The following EXOC4 variants were observed in gnomAD, a reference collection of about 807,000 sequenced individuals.
EXOC4 encodes the protein exocyst complex component 4.
Under a neutral mutation model 107.2 loss-of-function variants are expected in EXOC4, and 71 were observed. The observed-to-expected ratio is 0.66, with a 90% CI of 0.55 to 0.81. The LOEUF (loss-of-function observed/expected upper bound fraction) is 0.81. Among genes scored for constraint, EXOC4 ranks in the 30% least tolerant of loss-of-function variants. The pLI is 0.00. For synonymous variants in EXOC4, 456 were observed against 441.2 expected, an observed-to-expected ratio of 1.03 and a Z score of -0.42; for missense variants, 1,108 against 1,189.6, an observed-to-expected ratio of 0.93 and a Z score of 1.01.
chr7:133,384,964 T>G (rs1796696625), intron 7 of EXOC4, among the ~76,000 whole-genome samples: 5 of 152,124 alleles, frequency 3.3e-5, no homozygotes, highest in Admixed American at 3.3e-4. Context: ...GAACATTCAC[T>G]TGGCCACGCA....
intron 6 of EXOC4, among the ~76,000 whole-genome samples, chr7:133,359,628 C>T (rs1047731602): frequency 1.3e-5 from 2 of 152,124 alleles, no homozygotes; most frequent in African/African-American, 4.8e-5. Context: ...GATACCCATA[C>T]TGTAATTTTC....
intron 2 of EXOC4, among the ~76,000 whole-genome samples, 163 bp from the exon 3 acceptor site, chr7:133,288,759 C>T (rs1172776875): frequency 1.3e-5 from 2 of 152,016 alleles, no homozygotes; most frequent in Non-Finnish European, 2.9e-5. Flanking sequence ...GAGTCTATGT[C>T]AGAACCAGGA....
chr7:133,722,335 A>T (rs141549831), intron 10 of EXOC4, among the ~76,000 whole-genome samples: 200 of 152,322 alleles, frequency 1.3e-3, no homozygotes, highest in African/African-American at 4.7e-3. Flanking sequence ...ACCTGAGTTC[A>T]TTACATTCTT....
chr7:133,999,684 G>A (rs1301472614), intron 15 of EXOC4, among the ~76,000 whole-genome samples: 4 of 152,132 alleles, frequency 2.6e-5, no homozygotes, highest in African/African-American at 9.7e-5. Flanking sequence ...AGGAAAACAA[G>A]GGAATACCAA....
intron 14 of EXOC4, among the ~76,000 whole-genome samples, chr7:133,970,057 C>T (rs1240065024): frequency 6.6e-6 from 1 of 152,182 alleles, no homozygotes; most frequent in African/African-American, 2.4e-5. Context: ...GAGGAGGAAT[C>T]TAGAGAGGCA....
chr7:133,295,269 A>G (rs1243600306), intron 3 of EXOC4, among the ~76,000 whole-genome samples: 1 of 151,998 alleles, frequency 6.6e-6, no homozygotes, highest in Admixed American at 6.6e-5. Flanking sequence ...AGGTAAAGGA[A>G]CTCTTGTGGG....
intron 11 of EXOC4, among the ~76,000 whole-genome samples, chr7:133,836,330 A>G (rs1018186887): frequency 1.3e-5 from 2 of 152,016 alleles, no homozygotes; most frequent in African/African-American, 4.8e-5. Flanking sequence ...GTCAAGTTCA[A>G]CACATTAAGT....
At chr7:133,664,244 T>C (rs1274931203) in intron 10 of EXOC4, among the ~76,000 whole-genome samples, 1 of 152,182 alleles carries the variant, frequency 6.6e-6, no homozygotes, top group Non-Finnish European at 1.5e-5. Context: ...TTATCTGTTA[T>C]CTGGAAATAG....
At chr7:133,488,213 C>T (rs1467188998) in intron 9 of EXOC4, among the ~76,000 whole-genome samples, 2 of 152,104 alleles carry the variant, frequency 1.3e-5, no homozygotes, top group Non-Finnish European at 2.9e-5. Context: ...TTTATGTAAA[C>T]ATGCAGGTAA....
At chr7:133,560,001 T>C (rs1322314140) in intron 9 of EXOC4, among the ~76,000 whole-genome samples, 4 of 152,244 alleles carry the variant, frequency 2.6e-5, no homozygotes, top group African/African-American at 9.6e-5. Flanking sequence ...CATTCTGGAC[T>C]CTCTAGAAGT....
At chr7:134,034,392 T>C (rs1364693076) in intron 17 of EXOC4, among the ~76,000 whole-genome samples, 1 of 152,226 alleles carries the variant, frequency 6.6e-6, no homozygotes, top group Non-Finnish European at 1.5e-5. Flanking sequence ...GGCTGTGATA[T>C]AGTTAGGCTT....
chr7:134,071,035 G>A (rs555858383), downstream of EXOC4, among the ~76,000 whole-genome samples: 4 of 152,302 alleles, frequency 2.6e-5, no homozygotes, highest in African/African-American at 7.2e-5. Flanking sequence ...GCTGGTTTTT[G>A]TGGTTGTTTT....
intron 9 of EXOC4, among the ~76,000 whole-genome samples, chr7:133,558,147 A>G (rs1800730312): frequency 6.7e-6 from 1 of 149,546 alleles, no homozygotes; most frequent in East Asian, 1.9e-4. Flanking sequence ...CCACGGTGAA[A>G]TACTTCCTGA....
chr7:133,765,857 T>C (rs779272683), intron 10 of EXOC4, among the ~76,000 whole-genome samples: 27 of 151,952 alleles, frequency 1.8e-4, no homozygotes, highest in South Asian at 8.3e-4. Flanking sequence ...CTCAAAGTAG[T>C]ATATGACTTC....
At chr7:133,469,200 G>A (rs1316752077) in intron 7 of EXOC4, among the ~76,000 whole-genome samples, 2 of 152,076 alleles carry the variant, frequency 1.3e-5, no homozygotes, top group Admixed American at 6.6e-5. Flanking sequence ...GGTGGATCAC[G>A]AGGTCAGGAG....
intron 1 of EXOC4, among the ~76,000 whole-genome samples, chr7:133,255,394 C>T (rs1487856160): frequency 1.3e-5 from 2 of 152,140 alleles, no homozygotes; most frequent in African/African-American, 4.8e-5. Flanking sequence ...CCAGGATGGT[C>T]TCGATCGCTT....
chr7:133,618,796 T>C (rs753136848), intron 9 of EXOC4, among the ~76,000 whole-genome samples: 1 of 152,156 alleles, frequency 6.6e-6, no homozygotes, highest in African/African-American at 2.4e-5. Context: ...AGTCTGAGTC[T>C]GGATAGACTA....
chr7:133,668,357 C>G (rs1176130590), intron 10 of EXOC4, among the ~76,000 whole-genome samples: 4 of 152,130 alleles, frequency 2.6e-5, no homozygotes, highest in Admixed American at 6.5e-5. Flanking sequence ...TTTTCTGAAG[C>G]TTTTCTATAA....
intron 12 of EXOC4, among the ~76,000 whole-genome samples, chr7:133,898,508 G>A (rs1400611557): frequency 6.7e-6 from 1 of 149,870 alleles, no homozygotes; most frequent in Non-Finnish European, 1.5e-5. Flanking sequence ...CACTTTGAGA[G>A]GCCGAGGCAG....
Sources: allele counts gnomAD v4.1 joint callset (sites outside exome capture counted in the v4.1 genomes callset), GRCh38; gene constraint gnomAD v4.1.1; transcripts MANE v1.5; gene names NCBI Gene and HGNC (gene_info 2026-07-23, HGNC 2026-07-21).